CTNNAL1: variants seen among roughly 807,000 people sequenced by gnomAD.
The protein encoded by CTNNAL1 is alpha-catulin.
In CTNNAL1, 69 loss-of-function variants were observed where a neutral mutation model predicts 93.6. The observed-to-expected ratio is 0.74, with a 90% CI of 0.61 to 0.90. CTNNAL1 has a LOEUF of 0.90. Ranked by LOEUF, CTNNAL1 falls within the 40% of genes least tolerant of loss-of-function variation. The probability of loss-of-function intolerance (pLI) is 0.00; values close to 1 mark genes in which losing one functional copy is unlikely to be tolerated. For synonymous variants in CTNNAL1, 286 were observed against 305.4 expected (o/e 0.94, Z 0.66); for missense variants, 836 against 862.0 (o/e 0.97, Z 0.38).
intron 5 of CTNNAL1, 114 bp from the exon 6 acceptor site, chr9:108,983,429 G>A (rs1831499638): frequency 1.7e-6 from 2 of 1,191,870 alleles, no homozygotes; most frequent in African/African-American, 1.6e-5. Flanking sequence ...AAATCTCCTG[G>A]GTCCCTGGCT....
At chr9:108,971,301 T>C (rs1174346055) in intron 9 of CTNNAL1, among the ~76,000 whole-genome samples, 2 of 152,226 alleles carry the variant, frequency 1.3e-5, no homozygotes, top group Non-Finnish European at 2.9e-5. Flanking sequence ...TATGTGAAGA[T>C]AGCTAGATGG....
intron 2 of CTNNAL1, among the ~76,000 whole-genome samples, chr9:108,998,667 C>T (rs901093832): frequency 2.0e-5 from 3 of 152,230 alleles, no homozygotes; most frequent in Non-Finnish European, 4.4e-5. Flanking sequence ...CTATAGAGAA[C>T]TGTGAACCAT....
intron 11 of CTNNAL1, 38 bp from the exon 12 acceptor site, chr9:108,955,865 T>C (rs774595147): frequency 1.5e-6 from 2 of 1,322,160 alleles, no homozygotes; most frequent in South Asian, 3.1e-5. Flanking sequence ...ATTTTTTCTA[T>C]TAATATATTT....
At chr9:108,973,149 T>C (rs896957991) in intron 8 of CTNNAL1, among the ~76,000 whole-genome samples, 1 of 152,160 alleles carries the variant, frequency 6.6e-6, no homozygotes, top group Non-Finnish European at 1.5e-5. Context: ...GGGTATTCAA[T>C]GGCTGAATAC....
intron 1 of CTNNAL1, among the ~76,000 whole-genome samples, chr9:109,007,846 C>T (rs1338944832): frequency 1.3e-5 from 2 of 152,164 alleles, no homozygotes; most frequent in Non-Finnish European, 2.9e-5. Context: ...CAAAAGAAAC[C>T]ATTGTCCCAA....
intron 4 of CTNNAL1, among the ~76,000 whole-genome samples, chr9:108,986,990 G>C (rs71499680): frequency 0.083 from 12,633 of 151,994 alleles, 606 homozygotes; most frequent in Middle Eastern, 0.12. Context: ...CCTGTTCACT[G>C]TGATGGTAGT....
intron 11 of CTNNAL1, 47 bp downstream of exon 11, chr9:108,965,331 G>A (rs752227282): frequency 4.6e-6 from 6 of 1,318,056 alleles, no homozygotes; most frequent in Non-Finnish European, 5.9e-6. Context: ...ACTAACAAGA[G>A]TTACATTAAA....
chr9:108,945,191 C>A (rs56983070), intron 15 of CTNNAL1, among the ~76,000 whole-genome samples: 4,132 of 152,224 alleles, frequency 0.027, 177 homozygotes, highest in African/African-American at 0.095. Context: ...CCCTCAGTAT[C>A]CATGGGAGAT....
rs1423521562 is a variant in CTNNAL1 at position 108,943,952 on chromosome 9, CAT to C, written c.1941+8_1941+9del. On this transcript the variant is annotated splice_region_variant and intron_variant, in intron 16 of 18. Coordinates refer to ENST00000325551, the MANE Select transcript of CTNNAL1 (RefSeq NM_003798.4). ...CCACCACCAGCTCCAGGTAGGTAGA[CAT>C]GTGTTACCTGTTTTGAAAAAGCTTG... 1.9e-6 allele frequency: 3 copies of C among 1,612,696 alleles called. No individual in the cohort carries two copies. The highest frequency in any genetic ancestry group is 1.7e-6 in the Non-Finnish European group (2 of 1,179,366).
intron 6 of CTNNAL1, among the ~76,000 whole-genome samples, chr9:108,982,198 A>G (rs1055145583): frequency 6.6e-6 from 1 of 152,160 alleles, no homozygotes; most frequent in Non-Finnish European, 1.5e-5. Flanking sequence ...CCTAGTTTCA[A>G]ATCCCAACTC....
Position 108,945,951 on chromosome 9 carries a change from T to C in CTNNAL1, c.1885-1933A>G, listed in dbSNP as rs1830392281. Among the ~76,000 whole-genome samples, 4 of 152,030 alleles carry C rather than the reference T, an allele frequency of 2.6e-5. No homozygotes were observed. The South Asian group carries it at 8.3e-4, about 32-fold the overall frequency. ...GTGTTCTCCCTCAGTGTTCCCTGTC[T>C]CAGAAAATGGCACTACCACTCACTC... On this transcript the variant is annotated intron_variant, in intron 15 of 18. Coordinates refer to ENST00000325551, the MANE Select transcript of CTNNAL1 (RefSeq NM_003798.4).
chr9:109,005,322 C>T (rs1826988411), intron 1 of CTNNAL1, among the ~76,000 whole-genome samples: 1 of 152,088 alleles, frequency 6.6e-6, no homozygotes, highest in African/African-American at 2.4e-5. Context: ...TTGGAAGAGA[C>T]TGCAGTGGAA....
At chr9:108,973,501 G>A (rs1002116830) in intron 8 of CTNNAL1, among the ~76,000 whole-genome samples, 1 of 152,062 alleles carries the variant, frequency 6.6e-6, no homozygotes, top group African/African-American at 2.4e-5. Context: ...TCTGTCTATA[G>A]TTGCCATCCA....
At chr9:109,008,823 A>T (rs1827115027) in intron 1 of CTNNAL1, among the ~76,000 whole-genome samples, 1 of 149,232 alleles carries the variant, frequency 6.7e-6, no homozygotes, top group Non-Finnish European at 1.5e-5. Flanking sequence ...TTTGTGTTGG[A>T]ATCATATTCT....
At chr9:108,952,558 A>G (rs1830593103) in intron 12 of CTNNAL1, 64 bp from the exon 13 acceptor site, 2 of 1,585,246 alleles carry the variant, frequency 1.3e-6, no homozygotes, top group South Asian at 1.1e-5. Context: ...AGGAAATACA[A>G]TAGTAATACA....
At chr9:108,963,610 T>C (rs939736966) in intron 11 of CTNNAL1, 1 of 152,264 alleles carries the variant, frequency 6.6e-6, no homozygotes, top group African/African-American at 2.4e-5. Flanking sequence ...ACAGTGCACG[T>C]GGAACACGTT....
chr9:109,007,083 C>T (rs896416592), intron 1 of CTNNAL1, among the ~76,000 whole-genome samples: 2 of 151,902 alleles, frequency 1.3e-5, no homozygotes, highest in African/African-American at 2.4e-5. Flanking sequence ...AAAAATTAGC[C>T]GGGCTTGATG....
rs375017577 is a variant in CTNNAL1 at position 108,983,251 on chromosome 9, A to C, written c.794T>G (p.Met265Arg). The C allele has an allele frequency of 6.3e-7, 1 of 1,596,412 alleles. No individual in the cohort carries two copies. The highest frequency in any genetic ancestry group is 1.1e-5 in the South Asian group (1 of 88,184). ...AATGACCTTATCCAATGCCACTTTCATACGGTCAAATACTCCTTCTTTGTT... is the reference window on the plus strand; with the variant it reads ...AATGACCTTATCCAATGCCACTTTCCTACGGTCAAATACTCCTTCTTTGTT... ...HKNKEGVFDR[M>R]KVALDKVIEI... is the part of the protein sequence containing the mutation. The change falls in exon 6 of 19, where the codon ATG (methionine) becomes AGG (arginine). Residue 265 changes from methionine to arginine, a missense_variant. Transcript: ENST00000325551.
chr9:108,990,892 G>T, intron 3 of CTNNAL1, 47 bp from the exon 4 acceptor site: 1 of 1,573,586 alleles, frequency 6.4e-7, no homozygotes, highest in Non-Finnish European at 8.6e-7. Context: ...CTACTCAAGA[G>T]ACTGAGATTG....
Sources: allele counts gnomAD v4.1 joint callset (sites outside exome capture counted in the v4.1 genomes callset), GRCh38; gene constraint gnomAD v4.1.1; transcripts MANE v1.5; gene names NCBI Gene and HGNC (gene_info 2026-07-23, HGNC 2026-07-21).